THSD7B: variants seen among roughly 807,000 people sequenced by gnomAD.
The protein encoded by THSD7B is thrombospondin type-1 domain-containing protein 7B.
THSD7B carries 138 observed loss-of-function variants against 213.6 expected under a neutral mutation model. The observed-to-expected ratio is 0.65, with a 90% confidence interval of 0.56 to 0.74. THSD7B has a LOEUF of 0.74. Among genes scored for constraint, THSD7B ranks in the 30% least tolerant of loss-of-function variants. The pLI, the probability that THSD7B is intolerant of heterozygous loss-of-function variation, is 0.00. For synonymous variants in THSD7B, 742 were observed against 687.0 expected (o/e 1.08, Z -1.25); for missense variants, 1,931 against 1,991.5 (o/e 0.97, Z 0.58).
intron 6 of THSD7B, among the ~76,000 whole-genome samples, chr2:137,160,996 AT>A (rs1486412600): frequency 6.6e-6 from 1 of 152,170 alleles, no homozygotes; most frequent in African/African-American, 2.4e-5. Flanking sequence ...CTGAAAAGAA[AT>A]GTTTCGCAAA....
intron 3 of THSD7B, among the ~76,000 whole-genome samples, chr2:137,076,192 C>G (rs1280515862): frequency 1.3e-5 from 2 of 152,232 alleles, no homozygotes; most frequent in African/African-American, 4.8e-5. Flanking sequence ...GAGGTGGAGC[C>G]TACAGAGGCA....
chr2:137,525,579 G>T (rs949465050), intron 15 of THSD7B, among the ~76,000 whole-genome samples: 1 of 152,196 alleles, frequency 6.6e-6, no homozygotes, highest in Non-Finnish European at 1.5e-5. Context: ...GTAGTGTTTT[G>T]CATCTGTAAT....
intron 15 of THSD7B, among the ~76,000 whole-genome samples, chr2:137,505,763 G>GCACTCCATGTAGTGGGGCC: frequency 6.6e-6 from 1 of 152,220 alleles, no homozygotes; most frequent in South Asian, 2.1e-4. Context: ...AAGAGGAGGG[G>GCACTCCATGTAGTGGGGCC]CACTCCATGT....
rs75054784 is a variant in THSD7B, at chr2:137,168,224, C to T, written c.1526-2517C>T. On this transcript the variant is annotated intron_variant, in intron 6 of 27. Transcript: ENST00000409968. ...ATTTCTGGTTCCTCCTGTGGCTTCC[C>T]ATAGTACAGGAAAGTGATGTGCAAA... 7.0e-3 allele frequency among the ~76,000 whole-genome samples: 1,061 copies of T among 152,212 alleles called. 10 individuals are homozygous for T. Among genetic ancestry groups the T allele is most frequent in the African/African-American group, 0.022 (918 of 41,526 alleles).
chr2:137,430,424 C>T (rs534108977), intron 14 of THSD7B, among the ~76,000 whole-genome samples: 4 of 152,146 alleles, frequency 2.6e-5, no homozygotes, highest in Non-Finnish European at 5.9e-5. Context: ...CAAAACTCAG[C>T]TTTAGGCCAG....
At chr2:137,444,089 T>A (rs1190992288) in intron 14 of THSD7B, among the ~76,000 whole-genome samples, 5 of 152,004 alleles carry the variant, frequency 3.3e-5, no homozygotes, top group African/African-American at 1.2e-4. Context: ...CTCTTAATAA[T>A]TCAGAATTCT....
intron 1 of THSD7B, among the ~76,000 whole-genome samples, chr2:136,825,919 A>G (rs1475568353): frequency 1.3e-5 from 2 of 151,978 alleles, no homozygotes; most frequent in Non-Finnish European, 2.9e-5. Flanking sequence ...AAATGAAAAT[A>G]ATCTCTCCAT....
Position 137,572,510 on chromosome 2 carries a change from A to G in THSD7B, c.3377A>G (p.Asn1126Ser), listed in dbSNP as rs959992606. 3.1e-6 allele frequency: 5 copies of G among 1,613,884 alleles called. No homozygotes were observed. In the East Asian group the frequency reaches 6.7e-5, roughly 22 times the overall value. Residue 1126 changes from asparagine (N) to serine (S), a missense_variant, in exon 17 of 28, where the codon AAT (asparagine) becomes AGT (serine). Transcript: ENST00000409968. Reference sequence around the variant, plus strand: ...CAGTCCTGTTCTCTTATGTGTCCCAATGAGTGTGTCATGTCTGAGTGGGGA... The same window carrying G: ...CAGTCCTGTTCTCTTATGTGTCCCAGTGAGTGTGTCATGTCTGAGTGGGGA... The part of the protein sequence containing the change: ...ETQSCSLMCP[N>S]ECVMSEWGLW...
chr2:137,550,592 G>GT (rs2105205661), intron 15 of THSD7B, among the ~76,000 whole-genome samples: 1 of 152,230 alleles, frequency 6.6e-6, no homozygotes, highest in Non-Finnish European at 1.5e-5. Flanking sequence ...TGTTAAATAT[G>GT]TTGTGTAGTG....
chr2:137,379,941 T>A (rs1029738528), intron 12 of THSD7B, among the ~76,000 whole-genome samples: 1 of 152,212 alleles, frequency 6.6e-6, no homozygotes, highest in Non-Finnish European at 1.5e-5. Flanking sequence ...AAATAATAGA[T>A]GCACAGGTAA....
chr2:137,338,345 G>T (rs1684687625), intron 12 of THSD7B, among the ~76,000 whole-genome samples: 2 of 152,046 alleles, frequency 1.3e-5, no homozygotes, highest in African/African-American at 4.8e-5. Flanking sequence ...AGCCTGAGAT[G>T]TCATGCCATA....
chr2:136,985,622 T>C (rs1406151314), intron 2 of THSD7B, among the ~76,000 whole-genome samples: 1 of 152,186 alleles, frequency 6.6e-6, no homozygotes, highest in Non-Finnish European at 1.5e-5. Flanking sequence ...GGAACCCTCA[T>C]AGAGAACTTC....
At chr2:136,801,935 T>C (rs190521120) in intron 1 of THSD7B, among the ~76,000 whole-genome samples, 10 of 152,266 alleles carry the variant, frequency 6.6e-5, no homozygotes, top group African/African-American at 2.2e-4. Context: ...GGTTAAACTG[T>C]TATTGTGGGG....
At chr2:137,282,747 T>G (rs902578385) in intron 12 of THSD7B, among the ~76,000 whole-genome samples, 5 of 152,046 alleles carry the variant, frequency 3.3e-5, no homozygotes, top group African/African-American at 1.2e-4. Flanking sequence ...GGGCTCTGTT[T>G]TATTCCATTG....
chr2:137,532,211 A>G (rs951272299), intron 15 of THSD7B, among the ~76,000 whole-genome samples: 3 of 151,936 alleles, frequency 2.0e-5, no homozygotes, highest in African/African-American at 4.8e-5. Context: ...TTGGGAATTC[A>G]GTAGAGCCAT....
intron 2 of THSD7B, among the ~76,000 whole-genome samples, chr2:136,929,633 T>C (rs1684596258): frequency 6.6e-6 from 1 of 152,184 alleles, no homozygotes; most frequent in Non-Finnish European, 1.5e-5. Context: ...TATTTTGTCT[T>C]ATCAGCTTGA....
intron 16 of THSD7B, among the ~76,000 whole-genome samples, chr2:137,567,862 A>G (rs1681270888): frequency 6.6e-6 from 1 of 152,240 alleles, no homozygotes; most frequent in African/African-American, 2.4e-5. Context: ...GATTTAGAAT[A>G]TAAATTTGGG....
At chr2:137,454,391 T>C (rs1435527425) in intron 15 of THSD7B, among the ~76,000 whole-genome samples, 2 of 90,126 alleles carry the variant, frequency 2.2e-5, no homozygotes, top group Admixed American at 1.5e-4. Flanking sequence ...AGAGCCATTC[T>C]ATCTGTCTGT....
chr2:137,641,369 A>G (rs748909758), intron 20 of THSD7B, among the ~76,000 whole-genome samples: 3 of 152,112 alleles, frequency 2.0e-5, no homozygotes, highest in Non-Finnish European at 2.9e-5. Flanking sequence ...TTAAAGTTCC[A>G]CTGCTCATGG....
Sources: allele counts gnomAD v4.1 joint callset (sites outside exome capture counted in the v4.1 genomes callset), GRCh38; gene constraint gnomAD v4.1.1; transcripts MANE v1.5; gene names NCBI Gene and HGNC (gene_info 2026-07-23, HGNC 2026-07-21).